Variants in CPQ observed in about 807,000 individuals in gnomAD.
CPQ encodes the protein carboxypeptidase Q.
In CPQ, 37 loss-of-function variants were observed where a neutral mutation model predicts 45.7. That is an observed-to-expected ratio of 0.81 (90% CI 0.62 to 1.07). CPQ has a LOEUF of 1.07. Ranked by LOEUF, CPQ falls within the 50% of genes least tolerant of loss-of-function variation. The pLI, the probability that CPQ is intolerant of heterozygous loss-of-function variation, is 0.00. For missense variants in CPQ, 537 were observed against 572.9 expected (o/e 0.94, Z 0.64); for synonymous variants, 186 against 205.8 (o/e 0.90, Z 0.82).
intron 6 of CPQ, among the ~76,000 whole-genome samples, chr8:97,042,111 G>A (rs200951576): frequency 6.3e-3 from 680 of 108,186 alleles, no homozygotes; most frequent in South Asian, 8.3e-3. Context: ...AATCCATCTG[G>A]TCCTGGACTC....
intron 7 of CPQ, among the ~76,000 whole-genome samples, chr8:97,137,704 C>A (rs966750013): frequency 6.6e-6 from 1 of 152,134 alleles, no homozygotes; most frequent in Non-Finnish European, 1.5e-5. Context: ...CCGAGGCGGG[C>A]GGATCATGAG....
rs201402390 is a variant in CPQ at position 96,897,612 on chromosome 8, C to T, written c.849+17607C>T. On this transcript the variant is annotated intron_variant, in intron 4 of 7. Coordinates refer to ENST00000220763, the MANE Select transcript of CPQ (RefSeq NM_016134.4). ...TTAAAAATTTGTATGAAATTATCTTCAGACTATGTGTATAAGGTGTATAAG... is the reference window on the plus strand; with the variant it reads ...TTAAAAATTTGTATGAAATTATCTTTAGACTATGTGTATAAGGTGTATAAG... Among the ~76,000 whole-genome samples, 6 of 152,310 alleles carry T rather than the reference C, an allele frequency of 3.9e-5. No homozygotes were observed. The East Asian group carries it at 1.2e-3, about 29-fold the overall frequency.
intron 3 of CPQ, among the ~76,000 whole-genome samples, chr8:96,843,901 C>CTA (rs1265983355): frequency 1.3e-5 from 2 of 152,156 alleles, no homozygotes; most frequent in African/African-American, 4.8e-5. Flanking sequence ...TGTGGGGCTG[C>CTA]TATAATTAAT....
intron 4 of CPQ, among the ~76,000 whole-genome samples, chr8:96,899,615 GGA>G (rs1052146771): frequency 3.9e-5 from 6 of 151,972 alleles, no homozygotes; most frequent in African/African-American, 1.5e-4. Context: ...GAGAGTGGGA[GGA>G]GAGGTGCCAC....
At chr8:96,928,011 G>C (rs182855402) in intron 4 of CPQ, among the ~76,000 whole-genome samples, 1 of 152,158 alleles carries the variant, frequency 6.6e-6, no homozygotes, top group Non-Finnish European at 1.5e-5. Context: ...ATGCATCAGC[G>C]TTAAAGCAGA....
Position 96,884,126 on chromosome 8 carries a change from G to T in CPQ, c.849+4121G>T, listed in dbSNP as rs1015661224. Among the ~76,000 whole-genome samples, 3 of 151,936 alleles carry T rather than the reference G, an allele frequency of 2.0e-5. No homozygotes were observed. In the East Asian group the frequency reaches 5.8e-4, roughly 29 times the overall value. The stretch of plus-strand genomic sequence containing the variant: ...TTGGCTCCCTCATACCTGATTTTTT[G>T]TCTTTGTTTCTTGTTTCTATTAAAT... On this transcript the variant is annotated intron_variant, in intron 4 of 7. Coordinates refer to ENST00000220763, the MANE Select transcript of CPQ (RefSeq NM_016134.4).
At chr8:96,741,478 G>T (rs1254068808) in intron 1 of CPQ, among the ~76,000 whole-genome samples, 2 of 152,048 alleles carry the variant, frequency 1.3e-5, no homozygotes, top group Admixed American at 1.3e-4. Context: ...ATTTCCTTCA[G>T]TTCTGCTCTG....
intron 5 of CPQ, among the ~76,000 whole-genome samples, chr8:96,971,773 G>A (rs1206381546): frequency 5.3e-5 from 8 of 152,144 alleles, no homozygotes; most frequent in African/African-American, 1.9e-4. Context: ...CTTTGGTTCT[G>A]AATTTTGGTC....
chr8:96,896,130 T>C (rs890584684), intron 4 of CPQ, among the ~76,000 whole-genome samples: 1 of 152,114 alleles, frequency 6.6e-6, no homozygotes, highest in Non-Finnish European at 1.5e-5. Context: ...CCCAGTGCTT[T>C]CTCCATCCTT....
intron 1 of CPQ, among the ~76,000 whole-genome samples, chr8:96,750,627 T>C (rs891742766): frequency 7.3e-5 from 11 of 151,664 alleles, no homozygotes; most frequent in African/African-American, 2.4e-4. Context: ...TTTTTTTCTC[T>C]CTTCAACTTT....
At chr8:96,835,618 G>A (rs1811519856) in intron 3 of CPQ, among the ~76,000 whole-genome samples, 1 of 152,190 alleles carries the variant, frequency 6.6e-6, no homozygotes, top group Non-Finnish European at 1.5e-5. Flanking sequence ...ATAGTGAAGA[G>A]TTAGGGAATT....
At chr8:96,811,784 A>G (rs1811164742) in intron 2 of CPQ, among the ~76,000 whole-genome samples, 1 of 152,200 alleles carries the variant, frequency 6.6e-6, no homozygotes, top group Non-Finnish European at 1.5e-5. Flanking sequence ...ACATGTATAG[A>G]TATTTATCCA....
At chr8:96,722,499 A>G (rs974699423) in intron 1 of CPQ, among the ~76,000 whole-genome samples, 5 of 152,190 alleles carry the variant, frequency 3.3e-5, no homozygotes, top group African/African-American at 1.2e-4. Flanking sequence ...ATAGAGACAT[A>G]TGACCTAAAA....
chr8:96,661,908 A>G (rs927763315), intron 1 of CPQ, among the ~76,000 whole-genome samples: 1 of 152,222 alleles, frequency 6.6e-6, no homozygotes, highest in Admixed American at 6.5e-5. Context: ...CTCACCAGCA[A>G]TGAGTGAGCA....
At chr8:96,738,616 C>G (rs954985485) in intron 1 of CPQ, among the ~76,000 whole-genome samples, 9 of 152,106 alleles carry the variant, frequency 5.9e-5, no homozygotes, top group Admixed American at 2.0e-4. Context: ...CCCACTCCCC[C>G]CAACCCACAA....
intron 6 of CPQ, among the ~76,000 whole-genome samples, chr8:97,046,382 A>G (rs891814124): frequency 6.6e-6 from 1 of 152,126 alleles, no homozygotes; most frequent in Admixed American, 6.5e-5. Context: ...AGTTTTGTCT[A>G]AACTGTTTTG....
chr8:96,736,459 CA>C, intron 1 of CPQ, among the ~76,000 whole-genome samples: 1 of 152,268 alleles, frequency 6.6e-6, no homozygotes, highest in Middle Eastern at 3.4e-3. Context: ...CCCCAAGAAC[CA>C]AAAGTTTTGC....
At chr8:96,808,145 C>G (rs1283248412) in intron 2 of CPQ, among the ~76,000 whole-genome samples, 9 of 152,056 alleles carry the variant, frequency 5.9e-5, no homozygotes, top group African/African-American at 1.9e-4. Flanking sequence ...TTTTACCAAA[C>G]TAAATGTTTA....
chr8:96,832,640 G>A (rs1335654802), intron 2 of CPQ, among the ~76,000 whole-genome samples: 3 of 152,178 alleles, frequency 2.0e-5, no homozygotes, highest in African/African-American at 7.2e-5. Flanking sequence ...TGTTACAGGA[G>A]ACAAGAGGCC....
Sources: gnomAD v4.1 joint callset for allele counts (sites outside exome capture counted in the v4.1 genomes callset) on GRCh38, gnomAD v4.1.1 for gene constraint, MANE v1.5 for transcripts, NCBI Gene and HGNC (gene_info 2026-07-23, HGNC 2026-07-21) for gene names.